The following NEK10 variants were observed in gnomAD, a reference collection of about 807,000 sequenced individuals.
NEK10 encodes the protein NIMA related kinase 10.
In NEK10, 122 loss-of-function variants were observed where a neutral mutation model predicts 159.8. The ratio of observed to expected loss-of-function variants is 0.76; its 90% CI spans 0.66 to 0.89. NEK10 has a LOEUF of 0.89. NEK10 is among the 40% of genes least tolerant of loss of function. NEK10 has a pLI of 0.00. For missense variants in NEK10, 1,342 were observed against 1,323.1 expected (o/e 1.01, Z -0.22); for synonymous variants, 466 against 457.1 (o/e 1.02, Z -0.25).
At chr3:27,326,050 T>TA (rs1205962941) in intron 5 of NEK10, among the ~76,000 whole-genome samples, 1 of 152,204 alleles carries the variant, frequency 6.6e-6, no homozygotes, top group Non-Finnish European at 1.5e-5. Context: ...CAGGATGTAC[T>TA]ATGGGTTCAT....
At chr3:27,275,639 GA>G (rs2041714296) in intron 22 of NEK10, among the ~76,000 whole-genome samples, 1 of 152,162 alleles carries the variant, frequency 6.6e-6, no homozygotes, top group Non-Finnish European at 1.5e-5. Flanking sequence ...ACCATGAATA[GA>G]GTCCATCATA....
chr3:27,138,851 G>A (rs1464352149), intron 31 of NEK10, among the ~76,000 whole-genome samples: 4 of 152,220 alleles, frequency 2.6e-5, no homozygotes, highest in African/African-American at 9.6e-5. Context: ...TGAAGCAGGT[G>A]CCTTGGAAGC....
At chr3:27,192,302 G>C (rs1301617306) in intron 25 of NEK10, 60 bp from the exon 26 acceptor site, 3 of 1,293,338 alleles carry the variant, frequency 2.3e-6, no homozygotes, top group Non-Finnish European at 2.2e-6. Context: ...GCCACAGAGT[G>C]TAAAGGGTCA....
chr3:27,203,008 G>C (rs1448380183), intron 23 of NEK10, among the ~76,000 whole-genome samples: 1 of 152,178 alleles, frequency 6.6e-6, no homozygotes, highest in Non-Finnish European at 1.5e-5. Context: ...ACAATAACCT[G>C]ATTAGAGCCT....
At chr3:27,190,067 G>A (rs1445108) in intron 26 of NEK10, among the ~76,000 whole-genome samples, 99,833 of 152,038 alleles carry the variant, frequency 0.66, 34,886 homozygotes, top group African/African-American at 0.91. Context: ...TCATTTATAT[G>A]ACTGATGCTA....
chr3:27,193,072 T>C (rs1283357678), intron 25 of NEK10, among the ~76,000 whole-genome samples: 1 of 152,248 alleles, frequency 6.6e-6, no homozygotes, highest in East Asian at 1.9e-4. Context: ...GTATGGTGTT[T>C]GAACGAGGTA....
At chr3:27,127,492 T>C (rs1942105650) in intron 32 of NEK10, among the ~76,000 whole-genome samples, 1 of 152,152 alleles carries the variant, frequency 6.6e-6, no homozygotes. Context: ...GAGCCTATTG[T>C]TCCTATGCTA....
chr3:27,162,419 C>T lies in NEK10; in HGVS notation c.2869+282G>A, dbSNP rs1358680914. 5.0e-6 allele frequency: 8 copies of T among 1,600,464 alleles called. No individual in the cohort carries two copies. The African/African-American group carries it at 6.7e-5, about 13-fold the overall frequency. On this transcript the variant is annotated intron_variant, in intron 30 of 35. Transcript: ENST00000691995. ...AGGCCCAACTATAATTCTGCATTTG[C>T]CCATTGTGTGCTTAACATCAATGTG...
At chr3:27,361,305 T>G (rs970239354) in intron 1 of NEK10, among the ~76,000 whole-genome samples, 6 of 152,228 alleles carry the variant, frequency 3.9e-5, no homozygotes, top group Non-Finnish European at 8.8e-5. Context: ...CAGCATCCAA[T>G]TCTACTCATC....
Position 27,141,560 on chromosome 3 carries a change from G to T in NEK10, c.2892C>A (p.Ser964=). ...CACTGATCTGACGCACTTTCCTCTG[G>T]GACACAGCAATTCCTGCTGATGCTG... ...PRPASAGIAV[S]QRKVRQISDP... Residue 964 remains serine, a synonymous_variant, in exon 31 of 36, where the codon TCC becomes TCA. Transcript: ENST00000691995. The T allele has an allele frequency of 6.2e-7, 1 of 1,612,812 alleles. No homozygotes were observed. The highest frequency in any genetic ancestry group is 1.1e-5 in the South Asian group (1 of 90,852).
chr3:27,298,222 G>A (rs1237307899), intron 13 of NEK10, among the ~76,000 whole-genome samples: 1 of 152,156 alleles, frequency 6.6e-6, no homozygotes, highest in Non-Finnish European at 1.5e-5. Flanking sequence ...TGTCATAGGA[G>A]GAACCCGGTG....
At chr3:27,348,426 G>C (rs1400201173) in intron 3 of NEK10, among the ~76,000 whole-genome samples, 1 of 152,170 alleles carries the variant, frequency 6.6e-6, no homozygotes, top group Non-Finnish European at 1.5e-5. Flanking sequence ...ATTTGGCATC[G>C]ATAGTTGCAA....
intron 13 of NEK10, among the ~76,000 whole-genome samples, chr3:27,298,779 T>C (rs753238734): frequency 3.3e-5 from 5 of 152,204 alleles, no homozygotes; most frequent in Admixed American, 1.3e-4. Flanking sequence ...CCAAGGTGAC[T>C]CTTGCTATGT....
At chr3:27,126,760 A>C (rs1942002162) in intron 32 of NEK10, among the ~76,000 whole-genome samples, 1 of 125,398 alleles carries the variant, frequency 8.0e-6, no homozygotes, top group African/African-American at 2.6e-5. Context: ...ACCTGGGAGC[A>C]AAAAAAAAAC....
At chr3:27,290,360 AT>A (rs1382195432) in intron 19 of NEK10, among the ~76,000 whole-genome samples, 1 of 152,206 alleles carries the variant, frequency 6.6e-6, no homozygotes, top group Admixed American at 6.5e-5. Flanking sequence ...AAAGAAAAGG[AT>A]TTCTCATATA....
chr3:27,160,899 C>T (rs950235899), intron 30 of NEK10, among the ~76,000 whole-genome samples: 2 of 152,046 alleles, frequency 1.3e-5, no homozygotes, highest in Admixed American at 6.6e-5. Flanking sequence ...CAGGGAGACT[C>T]TGTCTCAAAA....
In NEK10 at chr3:27,174,736, A is replaced by C; in HGVS notation, c.2603T>G (p.Phe868Cys). The C allele has an allele frequency of 6.2e-7, 1 of 1,613,762 alleles. No homozygotes were observed. Among genetic ancestry groups the C allele is most frequent in the Non-Finnish European group, 8.5e-7 (1 of 1,179,874 alleles). The change falls in exon 27 of 36, where the codon TTC becomes TGC. Residue 868 changes from phenylalanine (F) to cysteine (C), a missense_variant. Coordinates refer to ENST00000691995, the MANE Select transcript of NEK10 (RefSeq NM_001394966.1). Reference sequence around the variant, plus strand: ...TTCGTCTTTACCATAGGAGGCCTGGAAGCCTTCAGGGGGCAGGTCTGCGCT... The same window carrying C: ...TTCGTCTTTACCATAGGAGGCCTGGCAGCCTTCAGGGGGCAGGTCTGCGCT... ...SESADLPPEG[F>C]QASYGKDEDR...
At chr3:27,187,935 A>G (rs559878068) in intron 26 of NEK10, among the ~76,000 whole-genome samples, 1 of 152,298 alleles carries the variant, frequency 6.6e-6, no homozygotes, top group East Asian at 1.9e-4. Flanking sequence ...GGCTTTTCAA[A>G]CTACACATAT....
intron 3 of NEK10, among the ~76,000 whole-genome samples, chr3:27,348,702 T>C (rs2047747385): frequency 6.6e-6 from 1 of 152,158 alleles, no homozygotes; most frequent in Non-Finnish European, 1.5e-5. Flanking sequence ...GGCAATACCA[T>C]GCTTACCTCT....
Sources: gnomAD v4.1 joint callset for allele counts (sites outside exome capture counted in the v4.1 genomes callset) on GRCh38, gnomAD v4.1.1 for gene constraint, MANE v1.5 for transcripts, NCBI Gene and HGNC (gene_info 2026-07-23, HGNC 2026-07-21) for gene names.